Variants in CUX2 observed in about 807,000 individuals in gnomAD.
CUX2 encodes the protein cut like homeobox 2.
Under a neutral mutation model 144.8 loss-of-function variants are expected in CUX2, and 40 were observed. The ratio of observed to expected loss-of-function variants is 0.28; its 90% confidence interval spans 0.21 to 0.36. The LOEUF (loss-of-function observed/expected upper bound fraction) is 0.36, where lower values mean the gene tolerates loss of function less well. CUX2 is among the 10% of genes least tolerant of loss of function. The pLI, the probability that CUX2 is intolerant of heterozygous loss-of-function variation, is 1.00. For synonymous variants in CUX2, 827 were observed against 875.6 expected (o/e 0.94, Z 0.98); for missense variants, 1,615 against 1,994.0 (o/e 0.81, Z 3.62).
chr12:111,130,582 A>G (rs1875405054), intron 1 of CUX2, among the ~76,000 whole-genome samples: 1 of 152,268 alleles, frequency 6.6e-6, no homozygotes, highest in African/African-American at 2.4e-5. Context: ...GAGCTCTTCA[A>G]GGATGATGGG....
At chr12:111,329,260 A>C (rs560545247) in intron 18 of CUX2, among the ~76,000 whole-genome samples, 24 of 151,356 alleles carry the variant, frequency 1.6e-4, no homozygotes, top group African/African-American at 5.6e-4. Context: ...AGCTGCCCAC[A>C]GCCCTGTCTG....
chr12:111,252,010 C>T (rs186682948), intron 3 of CUX2, among the ~76,000 whole-genome samples: 10 of 152,156 alleles, frequency 6.6e-5, no homozygotes, highest in African/African-American at 2.4e-4. Flanking sequence ...CAAGACCCCA[C>T]CTCTACAAAA....
chr12:111,130,115 G>T (rs139403000), intron 1 of CUX2, among the ~76,000 whole-genome samples: 4 of 152,136 alleles, frequency 2.6e-5, no homozygotes, highest in African/African-American at 9.7e-5. Context: ...GTTCCTTTGT[G>T]GGGGGCTGGG....
intron 3 of CUX2, among the ~76,000 whole-genome samples, chr12:111,222,378 T>A (rs1881900381): frequency 6.6e-6 from 1 of 152,234 alleles, no homozygotes. Context: ...GTGTGCACTG[T>A]CCCAGCTTGA....
At chr12:111,070,393 TTTCCTTCCTTCCTTCCTTCCTTCC>T (rs143464416) in intron 1 of CUX2, among the ~76,000 whole-genome samples, 1,879 of 99,462 alleles carry the variant, frequency 0.019, 34 homozygotes, top group Admixed American at 0.062. Flanking sequence ...TCCTTCCTTC[TTTCCTTCCTTCCTTCCTTCCTTCC>T]TTCCTTCCTT....
intron 1 of CUX2, among the ~76,000 whole-genome samples, chr12:111,079,502 C>T (rs1871746829): frequency 6.6e-6 from 1 of 152,116 alleles, no homozygotes; most frequent in South Asian, 2.1e-4. Context: ...AGGCCCTGAC[C>T]CCTCCCTGGC....
At chr12:111,094,260 G>A (rs1357459240) in intron 1 of CUX2, among the ~76,000 whole-genome samples, 1 of 152,236 alleles carries the variant, frequency 6.6e-6, no homozygotes, top group African/African-American at 2.4e-5. Context: ...GCCGCATGAA[G>A]GAGGGGAACA....
rs1565926251 is a variant in CUX2 at position 111,330,722 on chromosome 12, T to TATATATATACATATAC, written c.2927-3710_2927-3709insCATATACATATATATA. ...ATATATATATATATATATATATATA[T>TATATATATACATATAC]ATATATATATATATATATATATATA... On this transcript the variant is annotated intron_variant, in intron 18 of 21. Coordinates refer to ENST00000261726, the MANE Select transcript of CUX2 (RefSeq NM_015267.4). 2.3e-4 allele frequency among the ~76,000 whole-genome samples: 12 copies of TATATATATACATATAC among 51,552 alleles called. 1 individual carries two copies. The East Asian group carries it at 2.4e-3, about 10-fold the overall frequency. The allele number at this position is 51,552 out of a possible 152,430, so 33.8% of individuals were successfully genotyped here.
In CUX2 at chr12:111,295,999, G is replaced by C. The variant is rs1005624821; in HGVS notation, c.638-474G>C. On this transcript the variant is annotated intron_variant, in intron 7 of 21. Transcript: ENST00000261726. The surrounding 1 kb of genome is among the most constrained non-coding windows in gnomAD (Gnocchi z 5.0). Reference sequence around the variant, plus strand: ...ATCTGGAGTTGTATCAAAAACGCTCGTTCATTGTAACACATGAATCTGTTC... The same window carrying C: ...ATCTGGAGTTGTATCAAAAACGCTCCTTCATTGTAACACATGAATCTGTTC... 6.6e-6 allele frequency among the ~76,000 whole-genome samples: 1 copy of C among 152,052 alleles called. No homozygotes were observed. The highest frequency in any genetic ancestry group is 1.5e-5 in the Non-Finnish European group (1 of 68,000).
chr12:111,307,224 A>G lies in CUX2; in HGVS notation c.1076A>G (p.Gln359Arg). 1.2e-6 allele frequency: 2 copies of G among 1,614,206 alleles called. No individual in the cohort carries two copies. The highest frequency in any genetic ancestry group is 1.7e-6 in the Non-Finnish European group (2 of 1,180,026). ...IEKLEEKLQA[Q>R]SDYEEIKTEL... ...AAGCTGGAAGAGAAGCTCCAGGCCCAGTCTGACTATGAGGAAATTAAAACG... is the reference window on the plus strand; with the variant it reads ...AAGCTGGAAGAGAAGCTCCAGGCCCGGTCTGACTATGAGGAAATTAAAACG... The change falls in exon 12 of 22, where the codon CAG (glutamine) becomes CGG (arginine). Residue 359 changes from glutamine (Q) to arginine (R), a missense_variant. Around this residue, in one of 12 missense-constraint regions of CUX2, gnomAD observed 295 missense variants for 400.2 expected, o/e 0.74. Transcript: ENST00000261726. This position sits in a 1 kb window ranked among gnomAD's most constrained non-coding sequence, Gnocchi z 4.1.
chr12:111,042,493 C>T, intron 1 of CUX2, among the ~76,000 whole-genome samples: 1 of 152,200 alleles, frequency 6.6e-6, no homozygotes. Flanking sequence ...GCCAGCAGGC[C>T]TCGGTTCAAA....
At chr12:111,126,445 T>C (rs965347016) in intron 1 of CUX2, among the ~76,000 whole-genome samples, 6 of 152,162 alleles carry the variant, frequency 3.9e-5, no homozygotes, top group Non-Finnish European at 8.8e-5. Flanking sequence ...GCTGATGGCA[T>C]AATTCCACTC....
At chr12:111,156,192 T>A (rs1419885860) in intron 1 of CUX2, among the ~76,000 whole-genome samples, 1 of 152,144 alleles carries the variant, frequency 6.6e-6, no homozygotes, top group Non-Finnish European at 1.5e-5. Flanking sequence ...ATAGCACTAA[T>A]TACTCTTCCC....
At chr12:111,036,038 G>A (rs1330587511) in intron 1 of CUX2, among the ~76,000 whole-genome samples, 2 of 152,210 alleles carry the variant, frequency 1.3e-5, no homozygotes, top group Admixed American at 1.3e-4. Flanking sequence ...CCCTGCTAAT[G>A]TTTGTAAATG....
At position 111,171,692 on chromosome 12, in the gene CUX2, G is replaced by A. The variant is rs1199750972; in HGVS notation, c.64-42508G>A. Among the ~76,000 whole-genome samples, 1 of 152,204 alleles carries A rather than the reference G, an allele frequency of 6.6e-6. No individual in the cohort carries two copies. The highest frequency in any genetic ancestry group is 2.4e-5 in the African/African-American group (1 of 41,448). On this transcript the variant is annotated intron_variant, in intron 1 of 21. Transcript: ENST00000261726. The surrounding 1 kb of genome is among the most constrained non-coding windows in gnomAD (Gnocchi z 5.0). ...TGAAGGGGTTTGCAGGCCATAATTA[G>A]GGGCTCAGTGTCACCTTTGTCCAGT...
At chr12:111,055,882 A>G (rs890779483) in intron 1 of CUX2, among the ~76,000 whole-genome samples, 3 of 152,192 alleles carry the variant, frequency 2.0e-5, no homozygotes, top group Admixed American at 6.5e-5. Context: ...GAATCAAACC[A>G]CTTCGCTGGG....
At chr12:111,153,168 C>A (rs1297979132) in intron 1 of CUX2, among the ~76,000 whole-genome samples, 8 of 152,246 alleles carry the variant, frequency 5.3e-5, no homozygotes, top group Admixed American at 5.2e-4. Flanking sequence ...TCCTTCCAAA[C>A]CGCAATGTAT....
Position 111,348,337 on chromosome 12 carries a change from G to C in CUX2, c.*12G>C, listed in dbSNP as rs1249312341. The C allele has an allele frequency of 5.0e-6, 8 of 1,601,930 alleles. No homozygotes were observed. In the Admixed American group the frequency reaches 6.7e-5, roughly 13 times the overall value. On this transcript the variant is annotated 3_prime_UTR_variant, in exon 22 of 22. Coordinates refer to ENST00000261726, the MANE Select transcript of CUX2 (RefSeq NM_015267.4). ...AGTGGGAGTTCTGAAGGCAGGGTGA[G>C]GGGGCAAGGGACATACCCTGGTAAC...
At chr12:111,227,710 C>A (rs542069879) in intron 3 of CUX2, among the ~76,000 whole-genome samples, 2 of 152,242 alleles carry the variant, frequency 1.3e-5, no homozygotes, top group African/African-American at 4.8e-5. Context: ...GATGGAGGCT[C>A]CCCTAGAGGG....
Sources: gnomAD v4.1 joint callset for allele counts (sites outside exome capture counted in the v4.1 genomes callset) on GRCh38, gnomAD v4.1.1 for gene constraint, gnomAD v4.1.1 regional missense constraint, Gnocchi (gnomAD v3.1) non-coding constraint, MANE v1.5 for transcripts, NCBI Gene and HGNC (gene_info 2026-07-23, HGNC 2026-07-21) for gene names.